MLF1: variants seen among roughly 807,000 people sequenced by gnomAD.
MLF1 encodes myeloid leukemia factor 1, also known as myelodysplasia-myeloid leukemia factor 1.
Under a neutral mutation model 38.3 loss-of-function variants are expected in MLF1, and 37 were observed. The observed-to-expected ratio is 0.96, with a 90% CI of 0.74 to 1.27. The LOEUF (loss-of-function observed/expected upper bound fraction) is 1.27, where lower values mean the gene tolerates loss of function less well. Ranked by LOEUF, MLF1 falls within the 50% of genes most tolerant of loss-of-function variation. MLF1 has a pLI of 0.00. For synonymous variants in MLF1, 95 were observed against 106.5 expected (o/e 0.89, Z 0.66); for missense variants, 331 against 349.2 (o/e 0.95, Z 0.42).
intron 1 of MLF1, among the ~76,000 whole-genome samples, chr3:158,581,552 A>T (rs1010936065): frequency 6.6e-6 from 1 of 152,166 alleles, no homozygotes; most frequent in South Asian, 2.1e-4. Flanking sequence ...CTGTGAGTTA[A>T]TCTTATGACT....
chr3:158,587,958 G>A (rs535511716), intron 1 of MLF1, among the ~76,000 whole-genome samples: 1 of 152,222 alleles, frequency 6.6e-6, no homozygotes, highest in South Asian at 2.1e-4. Context: ...CTGAGATCGT[G>A]CCACTGCACT....
At chr3:158,579,341 C>T (rs1024540465) in intron 1 of MLF1, among the ~76,000 whole-genome samples, 3 of 152,130 alleles carry the variant, frequency 2.0e-5, no homozygotes, top group East Asian at 1.9e-4. Flanking sequence ...AACATTAAAG[C>T]CTTATCTCCA....
chr3:158,588,741 C>G (rs539003480), intron 1 of MLF1: 12 of 327,962 alleles, frequency 3.7e-5, no homozygotes, highest in South Asian at 3.0e-4. Context: ...TCATAAAAAA[C>G]AGATATTTAT....
rs188749739 is a variant in MLF1, at chr3:158,581,917, C to T, written c.48-10517C>T. Among the ~76,000 whole-genome samples the T allele has an allele frequency of 3.9e-5, 6 of 152,238 alleles. No homozygotes were observed. The East Asian group carries it at 9.6e-4, about 24-fold the overall frequency. ...AGAAGGCCAGGCGTGTGGTGGCTCT[C>T]GGCTGTAATCCCAGCACTTTGGGAG... is the stretch of plus-strand genomic sequence containing the variant. On this transcript the variant is annotated intron_variant, in intron 1 of 7. Coordinates refer to ENST00000466246, the MANE Select transcript of MLF1 (RefSeq NM_001369783.1).
intron 4 of MLF1, 54 bp downstream of exon 4, chr3:158,596,999 A>G: frequency 1.7e-6 from 2 of 1,169,620 alleles, no homozygotes; most frequent in Non-Finnish European, 2.5e-6. Flanking sequence ...GATATATTCT[A>G]TTTCATAGTG....
intron 3 of MLF1, among the ~76,000 whole-genome samples, chr3:158,596,077 A>G (rs1365598584): frequency 6.6e-6 from 1 of 152,082 alleles, no homozygotes; most frequent in African/African-American, 2.4e-5. Flanking sequence ...TGTCCTATCC[A>G]TTGTAGGATG....
rs1720353838 is a variant in MLF1 at position 158,605,121 on chromosome 3, C to T, written c.771C>T (p.Ala257=). 1 of 1,613,462 alleles carries T rather than the reference C, an allele frequency of 6.2e-7. No homozygotes were observed. The highest frequency in any genetic ancestry group is 8.5e-7 in the Non-Finnish European group (1 of 1,179,680). ...GGGAGAAACCTCAACAAAGTCCAGCCATTGAACATGGAAGGAGATCAAATG... is the reference window on the plus strand; with the variant it reads ...GGGAGAAACCTCAACAAAGTCCAGCTATTGAACATGGAAGGAGATCAAATG... The part of the protein sequence containing the change: ...KRREKPQQSP[A]IEHGRRSNVL... The change falls in exon 8 of 8, where the codon GCC becomes GCT. Residue 257 remains alanine, a synonymous_variant. Transcript: ENST00000466246.
At chr3:158,578,783 A>G (rs1301665664) in intron 1 of MLF1, among the ~76,000 whole-genome samples, 1 of 152,160 alleles carries the variant, frequency 6.6e-6, no homozygotes, top group Non-Finnish European at 1.5e-5. Flanking sequence ...TTCTTGACCT[A>G]AATGAAAATA....
At chr3:158,602,965 G>T in intron 7 of MLF1, 26 bp downstream of exon 7, 1 of 1,581,158 alleles carries the variant, frequency 6.3e-7, no homozygotes. Context: ...AAAATAGTTT[G>T]GTTTTTTAAG....
Position 158,605,155 on chromosome 3 carries a change from G to T in MLF1, c.805G>T (p.Asp269Tyr). Reference sequence around the variant, plus strand: ...TGGAAGGAGATCAAATGTTTTGGGGGACAAACTCCACATCAAAGGCTCATC... The same window carrying T: ...TGGAAGGAGATCAAATGTTTTGGGGTACAAACTCCACATCAAAGGCTCATC... ...EHGRRSNVLGDKLHIKGSSVK... is the reference protein window; with the variant it reads ...EHGRRSNVLGYKLHIKGSSVK... Residue 269 changes from aspartate (D) to tyrosine (Y), a missense_variant, in exon 8 of 8, where the codon GAC (aspartate) becomes TAC (tyrosine). Physicochemically the swap from Asp to Tyr is radical, Grantham distance 160. Transcript: ENST00000466246. 6.2e-7 allele frequency: 1 copy of T among 1,613,764 alleles called. No homozygotes were observed. Among genetic ancestry groups the T allele is most frequent in the African/African-American group, 1.3e-5 (1 of 75,024 alleles).
Position 158,600,134 on chromosome 3 carries a change from G to A in MLF1, c.574G>A (p.Asp192Asn). 6.8e-7 allele frequency: 1 copy of A among 1,464,076 alleles called. No homozygotes were observed. The highest frequency in any genetic ancestry group is 9.1e-7 in the Non-Finnish European group (1 of 1,101,106). 90.7% of individuals were successfully genotyped at this position (1,464,076 alleles called of 1,614,324 possible). The change falls in exon 6 of 8, where the codon GAT (aspartate) becomes AAT (asparagine). Residue 192 changes from aspartate to asparagine, a missense_variant. Asp to Asn is a conservative substitution (Grantham distance 23). Coordinates refer to ENST00000466246, the MANE Select transcript of MLF1 (RefSeq NM_001369783.1). ...AAAGTCAAAGAACAAGAAGACTGGA[G>A]ATGAAGAGGTCAACCAGGAGTTCAT... The part of the protein sequence containing the change: ...IKKSKNKKTG[D>N]EEVNQEFINM...
chr3:158,589,705 G>A (rs893508015), intron 1 of MLF1, among the ~76,000 whole-genome samples: 1 of 152,126 alleles, frequency 6.6e-6, no homozygotes, highest in African/African-American at 2.4e-5. Flanking sequence ...CATATTTAGA[G>A]ACTTAAAACA....
rs1720400987 is a variant in MLF1, at chr3:158,605,481, AGTT to A, written c.*283_*285del. On this transcript the variant is annotated 3_prime_UTR_variant, in exon 8 of 8. Coordinates refer to ENST00000466246, the MANE Select transcript of MLF1 (RefSeq NM_001369783.1). ...GCTTATATGCTTATTTCGCTTCCCC[AGTT>A]GTTTTTGTGTTGGCTAAATATTCTT... The A allele has an allele frequency of 7.6e-6, 2 of 264,294 alleles. No individual in the cohort carries two copies. Among genetic ancestry groups the A allele is most frequent in the Admixed American group, 5.0e-5 (1 of 20,078 alleles). The allele number at this position is 264,294 out of a possible 1,614,324, so 16.4% of individuals were successfully genotyped here.
In MLF1 at chr3:158,602,796, G is replaced by C. The variant is rs995920943; in HGVS notation, c.614-11G>C. 2 of 1,611,158 alleles carry C rather than the reference G, an allele frequency of 1.2e-6. No individual in the cohort carries two copies. Among genetic ancestry groups the C allele is most frequent in the Admixed American group, 1.7e-5 (1 of 59,602 alleles). On this transcript the variant is annotated splice_polypyrimidine_tract_variant and intron_variant, in intron 6 of 7. Transcript: ENST00000466246. ...TAATACTTATTCCCATTATTTTTCTGTTTGACATAGGTGATGCTCATGCTT... is the reference window on the plus strand; with the variant it reads ...TAATACTTATTCCCATTATTTTTCTCTTTGACATAGGTGATGCTCATGCTT...
chr3:158,572,469 G>A (rs1164749339), intron 1 of MLF1, among the ~76,000 whole-genome samples: 19 of 128,098 alleles, frequency 1.5e-4, no homozygotes, highest in South Asian at 2.8e-4. Flanking sequence ...TGAGGTGGAT[G>A]GAGGAGGATT....
rs531294195 is a variant in MLF1, at chr3:158,592,588, T to C, written c.195+7T>C. 1.5e-5 allele frequency: 23 copies of C among 1,583,630 alleles called. No individual in the cohort carries two copies. The highest frequency in any genetic ancestry group is 2.0e-5 in the Non-Finnish European group (23 of 1,169,590). ...TGGTGAAGATTCTTTGACTGTAAGT[T>C]CTTTTTTTTAAGACAGTTAGTGAGA... On this transcript the variant is annotated splice_region_variant and intron_variant, in intron 2 of 7. Transcript: ENST00000466246.
rs1370312927 is a variant in MLF1 at position 158,592,594 on chromosome 3, T to C, written c.195+13T>C. 1 of 1,578,878 alleles carries C rather than the reference T, an allele frequency of 6.3e-7. No homozygotes were observed. On this transcript the variant is annotated intron_variant, in intron 2 of 7. Transcript: ENST00000466246. Reference sequence around the variant, plus strand: ...AGATTCTTTGACTGTAAGTTCTTTTTTTTAAGACAGTTAGTGAGAAGGCCC... The same window carrying C: ...AGATTCTTTGACTGTAAGTTCTTTTCTTTAAGACAGTTAGTGAGAAGGCCC...
At chr3:158,578,437 A>T (rs1035258489) in intron 1 of MLF1, among the ~76,000 whole-genome samples, 3 of 151,386 alleles carry the variant, frequency 2.0e-5, no homozygotes, top group African/African-American at 7.3e-5. Context: ...AAAACAATAA[A>T]TTATTCTAAA....
At chr3:158,582,757 A>G (rs1323973596) in intron 1 of MLF1, 9 of 561,602 alleles carry the variant, frequency 1.6e-5, no homozygotes, top group Non-Finnish European at 2.5e-5. Context: ...TTATCCTTTA[A>G]AAGTCAAGAA....
Sources: allele counts gnomAD v4.1 joint callset (sites outside exome capture counted in the v4.1 genomes callset), GRCh38; gene constraint gnomAD v4.1.1; transcripts MANE v1.5; gene names NCBI Gene and HGNC (gene_info 2026-07-23, HGNC 2026-07-21).